The following PHF14 variants were observed in gnomAD, a reference collection of about 807,000 sequenced individuals.
PHF14 encodes the protein PHD finger protein 14.
Under a neutral mutation model 117.9 loss-of-function variants are expected in PHF14, and 55 were observed. The observed-to-expected ratio is 0.47, with a 90% CI of 0.38 to 0.58. PHF14 has a LOEUF of 0.58. Among genes scored for constraint, PHF14 ranks in the 20% least tolerant of loss-of-function variants. The pLI is 0.00. For synonymous variants in PHF14, 409 were observed against 368.6 expected (o/e 1.11, Z -1.26); for missense variants, 978 against 1,122.2 (o/e 0.87, Z 1.84).
chr7:11,022,056 G>C (rs963906669), intron 5 of PHF14, among the ~76,000 whole-genome samples: 3 of 152,002 alleles, frequency 2.0e-5, no homozygotes, highest in African/African-American at 7.2e-5. Flanking sequence ...GCCACATTTT[G>C]TTTTGTTGTA....
chr7:11,078,141 C>T (rs749122023), intron 16 of PHF14, among the ~76,000 whole-genome samples: 1 of 151,852 alleles, frequency 6.6e-6, no homozygotes, highest in Admixed American at 6.6e-5. Context: ...TCATTTTTTC[C>T]CCTTATTTAT....
chr7:11,142,792 T>C (rs1788436856), intron 17 of PHF14, among the ~76,000 whole-genome samples: 3 of 152,118 alleles, frequency 2.0e-5, no homozygotes. Flanking sequence ...CCTGTGTTAC[T>C]AGATTACAGT....
intron 13 of PHF14, among the ~76,000 whole-genome samples, chr7:11,048,539 T>C (rs1784750417): frequency 6.6e-6 from 1 of 152,138 alleles, no homozygotes; most frequent in African/African-American, 2.4e-5. Flanking sequence ...GCCACTGCAC[T>C]CCAGCCTTGG....
chr7:11,041,180 T>C lies in PHF14; in HGVS notation c.2180+405T>C, dbSNP rs138398492. Among the ~76,000 whole-genome samples the C allele has an allele frequency of 9.3e-4, 141 of 152,176 alleles. 1 individual carries two copies. The highest frequency in any genetic ancestry group is 3.2e-3 in the African/African-American group (131 of 41,574). On this transcript the variant is annotated intron_variant, in intron 12 of 17. Coordinates refer to ENST00000634607, the MANE Select transcript of PHF14 (RefSeq NM_001007157.2). ...ATGAATCTATTGCCTTTGTAGGCAG[T>C]GGATAATGAAGATAAGTTTTAGTTT...
chr7:11,054,286 G>A (rs1784943706), intron 14 of PHF14, among the ~76,000 whole-genome samples: 1 of 151,698 alleles, frequency 6.6e-6, no homozygotes, highest in African/African-American at 2.4e-5. Context: ...TAATCAATTA[G>A]AATTTAGGGG....
intron 2 of PHF14, among the ~76,000 whole-genome samples, chr7:10,975,337 A>G (rs940061178): frequency 7.2e-5 from 11 of 152,258 alleles, no homozygotes; most frequent in East Asian, 1.9e-4. Flanking sequence ...TCACTTGACA[A>G]TCTCTTAGGG....
At chr7:11,056,150 G>A (rs969647005) in intron 14 of PHF14, among the ~76,000 whole-genome samples, 1 of 152,124 alleles carries the variant, frequency 6.6e-6, no homozygotes, top group Non-Finnish European at 1.5e-5. Context: ...CTACTTGGAA[G>A]AGATCTACTC....
chr7:11,006,697 T>C, intron 4 of PHF14: 1 of 636,722 alleles, frequency 1.6e-6, no homozygotes, highest in South Asian at 1.4e-5. Flanking sequence ...CGAGGATATC[T>C]GGGCTGCCTC....
intron 14 of PHF14, among the ~76,000 whole-genome samples, chr7:11,053,578 C>T (rs910315005): frequency 6.6e-6 from 1 of 151,994 alleles, no homozygotes; most frequent in African/African-American, 2.4e-5. Context: ...TGTCTGTCTA[C>T]AAAGATTATC....
At chr7:11,030,500 A>G (rs544640787) in intron 7 of PHF14, among the ~76,000 whole-genome samples, 2 of 152,216 alleles carry the variant, frequency 1.3e-5, no homozygotes, top group Non-Finnish European at 2.9e-5. Context: ...CATGTTTGGG[A>G]CAGTGGGGTG....
chr7:11,036,747 GT>G lies in PHF14; in HGVS notation c.1873+62del. ...CTGAGAACAATTTGTTAATGAAAAT[GT>G]TTGATATACTGTTAATTTTTAGAAA... is the stretch of plus-strand genomic sequence containing the variant. On this transcript the variant is annotated intron_variant, in intron 9 of 17. Coordinates refer to ENST00000634607, the MANE Select transcript of PHF14 (RefSeq NM_001007157.2). 2.1e-6 allele frequency: 3 copies of G among 1,454,960 alleles called. No individual in the cohort carries two copies. The East Asian group carries it at 6.9e-5, about 33-fold the overall frequency. The allele number at this position is 1,454,960 out of a possible 1,614,324, so 90.1% of individuals were successfully genotyped here.
At chr7:11,105,006 A>AT (rs1166951465) in intron 16 of PHF14, 18 of 892,394 alleles carry the variant, frequency 2.0e-5, no homozygotes, top group Non-Finnish European at 2.3e-5. Flanking sequence ...AACACATACA[A>AT]TTTTTTTTAA....
chr7:11,027,888 T>C lies in PHF14; in HGVS notation c.1318-793T>C, dbSNP rs112347661. On this transcript the variant is annotated intron_variant, in intron 6 of 17. Transcript: ENST00000634607. ...CTGGTTTGAAGCCTTACATTTACTT[T>C]CTTTGTTATTTTTGGCAAGCAGATT... 1.7e-3 allele frequency among the ~76,000 whole-genome samples: 263 copies of C among 152,216 alleles called. 3 individuals carry two copies. Among genetic ancestry groups the C allele is most frequent in the African/African-American group, 6.1e-3 (253 of 41,564 alleles).
At chr7:10,989,939 T>C (rs1402135143) in intron 3 of PHF14, among the ~76,000 whole-genome samples, 1 of 152,222 alleles carries the variant, frequency 6.6e-6, no homozygotes, top group Non-Finnish European at 1.5e-5. Flanking sequence ...TCCTCTCTTT[T>C]TATAGTATCA....
chr7:11,018,893 T>A (rs1317925019), intron 5 of PHF14, among the ~76,000 whole-genome samples: 4 of 152,184 alleles, frequency 2.6e-5, no homozygotes, highest in Non-Finnish European at 5.9e-5. Flanking sequence ...TATATCGCTT[T>A]TATTATGTTG....
intron 13 of PHF14, among the ~76,000 whole-genome samples, chr7:11,050,403 A>G (rs1428837333): frequency 6.6e-6 from 1 of 152,186 alleles, no homozygotes; most frequent in African/African-American, 2.4e-5. Context: ...ACATTTGAAG[A>G]AAATATGAGT....
intron 4 of PHF14, among the ~76,000 whole-genome samples, chr7:10,996,111 A>G (rs1018226234): frequency 1.3e-5 from 2 of 152,236 alleles, no homozygotes; most frequent in Admixed American, 6.5e-5. Flanking sequence ...GTGGGAAGCC[A>G]TAACATGGCT....
At chr7:10,999,702 C>T (rs1253084109) in intron 4 of PHF14, among the ~76,000 whole-genome samples, 4 of 152,258 alleles carry the variant, frequency 2.6e-5, no homozygotes, top group East Asian at 3.9e-4. Flanking sequence ...TGAATAGCCT[C>T]GGTACTGGAA....
chr7:11,096,921 G>GTACCTGT (rs1314980074), intron 16 of PHF14, among the ~76,000 whole-genome samples: 2 of 148,862 alleles, frequency 1.3e-5, no homozygotes, highest in Non-Finnish European at 3.0e-5. Flanking sequence ...TTTAATCTTA[G>GTACCTGT]TACCTGTTTA....
Sources: allele counts gnomAD v4.1 joint callset (sites outside exome capture counted in the v4.1 genomes callset), GRCh38; gene constraint gnomAD v4.1.1; transcripts MANE v1.5; gene names NCBI Gene and HGNC (gene_info 2026-07-23, HGNC 2026-07-21).